GUCY2F: variants seen among roughly 807,000 people sequenced by gnomAD.
GUCY2F encodes the protein guanylate cyclase 2F, retinal, also known as retinal guanylyl cyclase 2.
A neutral mutation model predicts 73.1 loss-of-function variants in GUCY2F; 61 were observed. That is an observed-to-expected ratio of 0.83 (90% CI 0.68 to 1.03). GUCY2F has a LOEUF of 1.03. GUCY2F is among the 50% of genes least tolerant of loss of function. The probability of loss-of-function intolerance (pLI) is 0.00; values close to 1 mark genes in which losing one functional copy is unlikely to be tolerated. For synonymous variants in GUCY2F, 331 were observed against 307.8 expected, an observed-to-expected ratio of 1.08 and a Z score of -0.79; for missense variants, 912 against 854.3, an observed-to-expected ratio of 1.07 and a Z score of -0.84.
chrX:109,453,613 C>T lies in GUCY2F; in HGVS notation c.1279G>A (p.Glu427Lys). The change falls in exon 4 of 20, where the codon GAA becomes AAA. Residue 427 changes from glutamate (E) to lysine (K), a missense_variant. Coordinates refer to ENST00000218006, the MANE Select transcript of GUCY2F (RefSeq NM_001522.3). ...CCTCCGAAACGTAGCAGCTCCATTT[C>T]CATGTCCACAGTGTAGGTGCTATGG... ...ELHSTYTVDM[E>K]MELLRFGGTP... 8.3e-7 allele frequency: 1 copy of T among 1,204,940 alleles called. No individual in the cohort carries two copies. Among genetic ancestry groups the T allele is most frequent in the South Asian group, 1.8e-5 (1 of 56,814 alleles).
At chrX:109,377,227 T>A (rs1254246218) in intron 17 of GUCY2F, among the ~76,000 whole-genome samples, 3 of 111,808 alleles carry the variant, frequency 2.7e-5, no homozygotes, top group Non-Finnish European at 3.8e-5. Context: ...AAGCCTTCTA[T>A]GAGGCAAGTA....
At chrX:109,431,906 GAAAAAAA>G (rs747439751) in intron 7 of GUCY2F, among the ~76,000 whole-genome samples, 1 of 79,128 alleles carries the variant, frequency 1.3e-5, no homozygotes, top group Non-Finnish European at 2.5e-5. Context: ...TCAGCAGCTG[GAAAAAAA>G]AAAAAAAAAG....
chrX:109,432,262 A>G (rs1258306920), intron 7 of GUCY2F, among the ~76,000 whole-genome samples: 2 of 111,052 alleles, frequency 1.8e-5, no homozygotes, highest in East Asian at 5.6e-4. Context: ...CCTCACTCAC[A>G]CTCTCTTCAT....
chrX:109,449,918 A>G (rs1020338262), intron 5 of GUCY2F, among the ~76,000 whole-genome samples: 8 of 110,770 alleles, frequency 7.2e-5, no homozygotes, highest in Non-Finnish European at 1.3e-4. Flanking sequence ...CTGAAAAAAA[A>G]CTTAAACAAT....
chrX:109,390,361 A>G (rs1274137853), intron 14 of GUCY2F, among the ~76,000 whole-genome samples: 2 of 112,272 alleles, frequency 1.8e-5, no homozygotes, highest in Non-Finnish European at 3.8e-5. Context: ...ATTTCAGATT[A>G]TCAAGTACCA....
At chrX:109,476,687 A>AACAGAAGGAACAACAT (rs1243321664) in intron 1 of GUCY2F, among the ~76,000 whole-genome samples, 1 of 109,216 alleles carries the variant, frequency 9.2e-6, no homozygotes, top group Non-Finnish European at 1.9e-5. Flanking sequence ...GAGCCTTCCA[A>AACAGAAGGAACAACAT]ACAGAAGGAA....
intron 2 of GUCY2F, among the ~76,000 whole-genome samples, chrX:109,474,389 T>C (rs1180017167): frequency 5.4e-5 from 6 of 111,274 alleles, no homozygotes. Context: ...AAACTAGGTG[T>C]CACAAGGGCT....
At position 109,477,167 on chromosome X, in the gene GUCY2F, G is replaced by A. The variant is rs750308606; in HGVS notation, c.-85-1146C>T. On this transcript the variant is annotated intron_variant, in intron 1 of 19. Transcript: ENST00000218006. ...AGAGAGTGGTAGTGAAGACCTAGAG[G>A]AATGGGATCATCTCCTCCAAGATTA... Among the ~76,000 whole-genome samples the A allele has an allele frequency of 6.3e-5, 7 of 111,436 alleles. No individual in the cohort carries two copies. The South Asian group carries it at 2.7e-3, about 43-fold the overall frequency.
Position 109,465,298 on chromosome X carries a change from G to A in GUCY2F, c.876C>T (p.His292=), listed in dbSNP as rs780713361. The change falls in exon 3 of 20, where the codon CAC becomes CAT. Residue 292 remains histidine (H), a synonymous_variant. Coordinates refer to ENST00000218006, the MANE Select transcript of GUCY2F (RefSeq NM_001522.3). Reference sequence around the variant, plus strand: ...TGTTCCTTAGGACCCGGTAGGGGGTGTGCTTATAAGGTAAACTGTAGAGCA... The same window carrying A: ...TGTTCCTTAGGACCCGGTAGGGGGTATGCTTATAAGGTAAACTGTAGAGCA... ...DALLYSLPYK[H]TPYRVLRNNP... is the part of the protein sequence containing the mutation. The A allele has an allele frequency of 1.7e-6, 2 of 1,209,403 alleles. No individual in the cohort carries two copies. The highest frequency in any genetic ancestry group is 2.2e-6 in the Non-Finnish European group (2 of 893,487).
At position 109,431,699 on chromosome X, in the gene GUCY2F, GA is replaced by G. The variant is rs539109461; in HGVS notation, c.1702-1304del. The stretch of plus-strand genomic sequence containing the variant: ...GAGCGACAGAGCTAGACTCTGTCTG[GA>G]AAAAAAAAAAAAAAAGAGTGTAACC... On this transcript the variant is annotated intron_variant, in intron 7 of 19. Coordinates refer to ENST00000218006, the MANE Select transcript of GUCY2F (RefSeq NM_001522.3). Among the ~76,000 whole-genome samples the G allele has an allele frequency of 5.9e-3, 483 of 81,884 alleles. 4 individuals carry two copies. Among genetic ancestry groups the G allele is most frequent in the South Asian group, 0.016 (25 of 1,537 alleles). The allele number at this position is 81,884 out of a possible 115,157, so 71.1% of individuals were successfully genotyped here.
At chrX:109,386,966 C>T (rs1293917488) in intron 15 of GUCY2F, among the ~76,000 whole-genome samples, 14 of 111,933 alleles carry the variant, frequency 1.3e-4, no homozygotes, top group Non-Finnish European at 1.9e-5. Flanking sequence ...AAAAATCAAA[C>T]GCCTGCTATG....
chrX:109,411,110 GGGTAGACA>G (rs1931097883), intron 8 of GUCY2F, among the ~76,000 whole-genome samples: 1 of 109,873 alleles, frequency 9.1e-6, no homozygotes, highest in African/African-American at 3.3e-5. Context: ...TTGGATACCT[GGGTAGACA>G]GTGGTGCTAC....
chrX:109,432,467 T>C lies in GUCY2F; in HGVS notation c.1702-2071A>G, dbSNP rs150253877. Among the ~76,000 whole-genome samples, 74 of 112,345 alleles carry C rather than the reference T, an allele frequency of 6.6e-4. No individual in the cohort carries two copies. In the East Asian group the frequency reaches 0.02, roughly 30 times the overall value. ...ACCGAAAATTTATGGAATCAGCCTA[T>C]GTGTGGGAAAGACTGGTGAACAAAA... On this transcript the variant is annotated intron_variant, in intron 7 of 19. Coordinates refer to ENST00000218006, the MANE Select transcript of GUCY2F (RefSeq NM_001522.3).
intron 8 of GUCY2F, among the ~76,000 whole-genome samples, chrX:109,421,118 A>C (rs1002151203): frequency 8.9e-6 from 1 of 111,842 alleles, no homozygotes; most frequent in South Asian, 3.7e-4. Context: ...GTTGGCAAAC[A>C]TGTGGAGAAA....
chrX:109,403,562 T>A (rs1464501331), intron 10 of GUCY2F, among the ~76,000 whole-genome samples: 1 of 111,625 alleles, frequency 9.0e-6, no homozygotes, highest in East Asian at 2.8e-4. Flanking sequence ...AAGACGAGTT[T>A]TACCTACAGC....
chrX:109,409,753 TC>T (rs1931063786), intron 8 of GUCY2F, among the ~76,000 whole-genome samples: 2 of 111,069 alleles, frequency 1.8e-5, no homozygotes, highest in Admixed American at 9.5e-5. Flanking sequence ...AAAGGGGAGT[TC>T]CCCTGCACAT....
chrX:109,407,014 T>C (rs1444585398), intron 9 of GUCY2F, among the ~76,000 whole-genome samples: 1 of 111,841 alleles, frequency 8.9e-6, no homozygotes, highest in Non-Finnish European at 1.9e-5. Flanking sequence ...TACTCGAAAA[T>C]GTGGAAGTGA....
chrX:109,457,529 A>G (rs1932284561), intron 3 of GUCY2F, among the ~76,000 whole-genome samples: 1 of 112,082 alleles, frequency 8.9e-6, no homozygotes, highest in Admixed American at 9.4e-5. Flanking sequence ...ACCCTTGGGC[A>G]TAGTCAAGAG....
chrX:109,380,111 A>T (rs985153409), intron 17 of GUCY2F, among the ~76,000 whole-genome samples: 1 of 112,212 alleles, frequency 8.9e-6, no homozygotes, highest in African/African-American at 3.2e-5. Context: ...CTTGAGCCCA[A>T]GAGAAAAGGC....
Sources: gnomAD v4.1 joint callset for allele counts (sites outside exome capture counted in the v4.1 genomes callset) on GRCh38, gnomAD v4.1.1 for gene constraint, MANE v1.5 for transcripts, NCBI Gene and HGNC (gene_info 2026-07-23, HGNC 2026-07-21) for gene names.